FAM131A: variants seen among roughly 807,000 people sequenced by gnomAD.
The protein encoded by FAM131A is protein FAM131A.
A neutral mutation model predicts 39.2 loss-of-function variants in FAM131A; 24 were observed. That is an observed-to-expected ratio of 0.61 (90% CI 0.44 to 0.86). The LOEUF (loss-of-function observed/expected upper bound fraction) is 0.86. FAM131A is among the 40% of genes least tolerant of loss of function. FAM131A has a pLI of 0.00. For synonymous variants in FAM131A, 202 were observed against 206.8 expected (o/e 0.98, Z 0.20); for missense variants, 373 against 481.2 (o/e 0.78, Z 2.10).
At chr3:184,339,595 G>A (rs1168214554) in intron 2 of FAM131A, 4 of 152,252 alleles carry the variant, frequency 2.6e-5, no homozygotes, top group Admixed American at 1.3e-4. Context: ...AGAGTAGCTG[G>A]GATTACAGGC....
chr3:184,341,793 G>A lies in FAM131A; in HGVS notation c.301G>A (p.Ala101Thr), dbSNP rs1287613267. The change falls in exon 3 of 6, where the codon GCG (alanine) becomes ACG (threonine). Residue 101 changes from alanine (A) to threonine (T), a missense_variant. Ala to Thr is a moderately conservative substitution (Grantham distance 58). Transcript: ENST00000383847. Reference sequence around the variant, plus strand: ...AGCCCTAACTATCCAGGAGATCGCTGCGCTGGCCAGGTCCTCCCTGCATGG... The same window carrying A: ...AGCCCTAACTATCCAGGAGATCGCTACGCTGGCCAGGTCCTCCCTGCATGG... ...RRALTIQEIA[A>T]LARSSLHGIS... The A allele has an allele frequency of 1.9e-6, 3 of 1,614,038 alleles. No homozygotes were observed. Among genetic ancestry groups the A allele is most frequent in the Non-Finnish European group, 1.7e-6 (2 of 1,180,034 alleles).
Position 184,345,654 on chromosome 3 carries a change from T to C in FAM131A, c.*684T>C. ...TGATGAAAGCATGTACCCTCCACCC[T>C]TTTCCTGGCCCCCTAATGGGGCCTG... On this transcript the variant is annotated 3_prime_UTR_variant, in exon 6 of 6. Coordinates refer to ENST00000383847, the MANE Select transcript of FAM131A (RefSeq NM_144635.5). The C allele has an allele frequency of 1.5e-6, 1 of 681,880 alleles. No homozygotes were observed. 42.2% of individuals were successfully genotyped at this position (681,880 alleles called of 1,614,324 possible). A position where few individuals can be genotyped will look rare whatever the true frequency, so the allele number is the denominator to read the frequency against.
At chr3:184,339,838 G>A (rs1438036572) in intron 2 of FAM131A, 1 of 152,790 alleles carries the variant, frequency 6.5e-6, no homozygotes, top group East Asian at 1.9e-4. Context: ...GGGTGTCACA[G>A]AGTGGGATCC....
In FAM131A at chr3:184,345,984, G is replaced by A. The variant is rs1449074778; in HGVS notation, c.*1014G>A. 6 of 243,770 alleles carry A rather than the reference G, an allele frequency of 2.5e-5. No homozygotes were observed. The allele number at this position is 243,770 out of a possible 1,614,324, so 15.1% of individuals were successfully genotyped here. A position where few individuals can be genotyped will look rare whatever the true frequency, so the allele number is the denominator to read the frequency against. On this transcript the variant is annotated 3_prime_UTR_variant, in exon 6 of 6. Coordinates refer to ENST00000383847, the MANE Select transcript of FAM131A (RefSeq NM_144635.5). ...CCTTTCTGTCTGAATGAAAGGCCAA[G>A]GCTACAGTACAGGGCCCCACCCCAG...
chr3:184,338,807 AC>A, intron 2 of FAM131A: 1 of 400,792 alleles, frequency 2.5e-6, no homozygotes, highest in Non-Finnish European at 4.5e-6. Flanking sequence ...AGGGAGACAT[AC>A]ACCTTTTCTC....
chr3:184,344,426 A>G, intron 5 of FAM131A, 69 bp from the exon 6 acceptor site: 1 of 1,422,300 alleles, frequency 7.0e-7, no homozygotes, highest in Non-Finnish European at 9.5e-7. Flanking sequence ...AGTGGGGTGA[A>G]TGTGGCTTCC....
intron 2 of FAM131A, chr3:184,339,313 A>G (rs1577285272): frequency 6.6e-6 from 1 of 152,348 alleles, no homozygotes; most frequent in Admixed American, 6.5e-5. Context: ...GACACTTGAG[A>G]TGGGCCTTAA....
At chr3:184,339,012 C>T (rs1330192524) in intron 2 of FAM131A, 1 of 161,618 alleles carries the variant, frequency 6.2e-6, no homozygotes. Flanking sequence ...GGGTGGGCCT[C>T]AGGTCAAGGG....
In FAM131A at chr3:184,345,281, G is replaced by C; in HGVS notation, c.*311G>C. ...AATGCCACACACACATTTCCTCCTCGGATAATGTGAACCACTAAGGGGGTT... is the reference window on the plus strand; with the variant it reads ...AATGCCACACACACATTTCCTCCTCCGATAATGTGAACCACTAAGGGGGTT... On this transcript the variant is annotated 3_prime_UTR_variant, in exon 6 of 6. Coordinates refer to ENST00000383847, the MANE Select transcript of FAM131A (RefSeq NM_144635.5). The C allele has an allele frequency of 1.9e-6, 1 of 514,148 alleles. No homozygotes were observed. The highest frequency in any genetic ancestry group is 3.4e-6 in the Non-Finnish European group (1 of 290,048). 31.8% of individuals were successfully genotyped at this position (514,148 alleles called of 1,614,324 possible).
chr3:184,341,501 T>G, intron 2 of FAM131A: 1 of 584,110 alleles, frequency 1.7e-6, no homozygotes, highest in South Asian at 2.0e-5. Context: ...TTAGCTGAAG[T>G]TTTGCTTCTC....
At chr3:184,338,704 TGCCAGCAGGC>T in intron 2 of FAM131A, 175 bp downstream of exon 2, 1 of 753,350 alleles carries the variant, frequency 1.3e-6, no homozygotes, top group South Asian at 2.0e-5. Context: ...CTCGGCGCTG[TGCCAGCAGGC>T]GGAGAGCTCG....
rs568389465 is a variant in FAM131A at position 184,339,825 on chromosome 3, C to G, written c.231+1296C>G. On this transcript the variant is annotated intron_variant, in intron 2 of 5. Transcript: ENST00000383847. Reference sequence around the variant, plus strand: ...GATTCAAAGGAGGCTTGGAAGGAGGCAAGGGTGTCACAGAGTGGGATCCTT... The same window carrying G: ...GATTCAAAGGAGGCTTGGAAGGAGGGAAGGGTGTCACAGAGTGGGATCCTT... 2.0e-5 allele frequency: 3 copies of G among 152,976 alleles called. No homozygotes were observed. In the East Asian group the frequency reaches 5.8e-4, roughly 29 times the overall value. 9.5% of individuals were successfully genotyped at this position (152,976 alleles called of 1,614,324 possible).
At chr3:184,341,362 A>T in intron 2 of FAM131A, 2 of 288,650 alleles carry the variant, frequency 6.9e-6, no homozygotes, top group Middle Eastern at 1.2e-3. Flanking sequence ...AGGGGAAGGG[A>T]ATCTTAAAGA....
chr3:184,338,474 G>A lies in FAM131A; in HGVS notation c.176G>A (p.Arg59Gln), dbSNP rs1362849427. The change falls in exon 2 of 6, where the codon CGA becomes CAA. Residue 59 changes from arginine to glutamine, a missense_variant. This residue lies in a region of FAM131A where 221 missense variants were observed against 347.7 expected (regional missense o/e 0.64). Transcript: ENST00000383847. ...TCTTTGGGATCTGCTCGAACCCTCC[G>A]AGGCTGGAGCAGGTCCTCCCGCCCT... ...LSSLGSARTLRGWSRSSRPSS... is the reference protein window; with the variant it reads ...LSSLGSARTLQGWSRSSRPSS... The A allele has an allele frequency of 2.0e-6, 3 of 1,535,552 alleles. No homozygotes were observed. Among genetic ancestry groups the A allele is most frequent in the East Asian group, 2.4e-5 (1 of 40,828 alleles).
intron 1 of FAM131A, among the ~76,000 whole-genome samples, chr3:184,337,952 C>G (rs1212859377): frequency 6.6e-6 from 1 of 152,056 alleles, no homozygotes; most frequent in Non-Finnish European, 1.5e-5. Context: ...TGTGGACCAG[C>G]TGAGGCTGGC....
At chr3:184,337,776 T>G (rs1196607047) in intron 1 of FAM131A, 58 bp downstream of exon 1, 1 of 1,489,046 alleles carries the variant, frequency 6.7e-7, no homozygotes, top group African/African-American at 1.4e-5. Flanking sequence ...AGCAGTAGGG[T>G]GCTTAGGTGG....
chr3:184,341,942 C>A, intron 3 of FAM131A, 124 bp from the exon 4 acceptor site: 1 of 1,498,516 alleles, frequency 6.7e-7, no homozygotes, highest in Non-Finnish European at 9.3e-7. Flanking sequence ...TCAGGTGAAT[C>A]TCAGCCCCTT....
chr3:184,343,346 T>C (rs1727469672), intron 5 of FAM131A, among the ~76,000 whole-genome samples: 1 of 152,222 alleles, frequency 6.6e-6, no homozygotes, highest in Non-Finnish European at 1.5e-5. Context: ...GGGGCCATGC[T>C]GGCTCCAACT....
Position 184,342,302 on chromosome 3 carries a change from C to A in FAM131A, c.508+54C>A, listed in dbSNP as rs1727420574. 7 of 1,503,700 alleles carry A rather than the reference C, an allele frequency of 4.7e-6. No homozygotes were observed. The highest frequency in any genetic ancestry group is 6.2e-6 in the Non-Finnish European group (7 of 1,131,538). The allele number at this position is 1,503,700 out of a possible 1,614,324, so 93.1% of individuals were successfully genotyped here. On this transcript the variant is annotated intron_variant, in intron 4 of 5. Transcript: ENST00000383847. The surrounding 1 kb of genome is among the most constrained non-coding windows in gnomAD (Gnocchi z 4.6). ...CTCTTGGCACAGGGCTGCTTTCTTTCTTTATTTTATTTAATTTTTTTTTGA... is the reference window on the plus strand; with the variant it reads ...CTCTTGGCACAGGGCTGCTTTCTTTATTTATTTTATTTAATTTTTTTTTGA...
Sources: allele counts gnomAD v4.1 joint callset (sites outside exome capture counted in the v4.1 genomes callset), GRCh38; gene constraint gnomAD v4.1.1; regional missense constraint gnomAD v4.1.1; non-coding constraint Gnocchi (gnomAD v3.1); transcripts MANE v1.5; gene names NCBI Gene and HGNC (gene_info 2026-07-23, HGNC 2026-07-21).